The following TNFRSF1B variants were observed in gnomAD, a reference collection of about 807,000 sequenced individuals.
TNFRSF1B encodes the protein tumor necrosis factor receptor superfamily member 1B.
TNFRSF1B carries 19 observed loss-of-function variants against 44.6 expected under a neutral mutation model. The ratio of observed to expected loss-of-function variants is 0.43; its 90% CI spans 0.30 to 0.62. The LOEUF (loss-of-function observed/expected upper bound fraction) is 0.62. TNFRSF1B is among the 20% of genes least tolerant of loss of function. The pLI is 0.16. For synonymous variants in TNFRSF1B, 252 were observed against 261.1 expected (o/e 0.97, Z 0.34); for missense variants, 541 against 619.9 (o/e 0.87, Z 1.35).
rs984355698 is a variant in TNFRSF1B at position 12,186,148 on chromosome 1, C to T, written c.79-2648C>T. 6.6e-6 allele frequency among the ~76,000 whole-genome samples: 1 copy of T among 152,184 alleles called. No individual in the cohort carries two copies. The highest frequency in any genetic ancestry group is 2.4e-5 in the African/African-American group (1 of 41,448). On this transcript the variant is annotated intron_variant, in intron 1 of 9. Coordinates refer to ENST00000376259, the MANE Select transcript of TNFRSF1B (RefSeq NM_001066.3). The surrounding 1 kb of genome is among the most constrained non-coding windows in gnomAD (Gnocchi z 4.8). ...AGCCCCAGCTCCTCTGGGTCGTTCC[C>T]GCTGAGGGATTCCAGCTGTTGGCAC...
In TNFRSF1B at chr1:12,187,683, G is replaced by C. The variant is rs1639017175; in HGVS notation, c.79-1113G>C. Among the ~76,000 whole-genome samples the C allele has an allele frequency of 1.3e-5, 2 of 152,224 alleles. No homozygotes were observed. Among genetic ancestry groups the C allele is most frequent in the South Asian group, 4.1e-4 (2 of 4,834 alleles). ...TCCATCTTCATTGGGTGGTTGGGAAGTCTTGCTGAGACCACACACCTGTCT... is the reference window on the plus strand; with the variant it reads ...TCCATCTTCATTGGGTGGTTGGGAACTCTTGCTGAGACCACACACCTGTCT... On this transcript the variant is annotated intron_variant, in intron 1 of 9. Coordinates refer to ENST00000376259, the MANE Select transcript of TNFRSF1B (RefSeq NM_001066.3). This position sits in a 1 kb window ranked among gnomAD's most constrained non-coding sequence, Gnocchi z 5.5.
intron 1 of TNFRSF1B, among the ~76,000 whole-genome samples, chr1:12,183,705 TATCTATTC>T (rs2101093239): frequency 8.3e-6 from 1 of 120,898 alleles, no homozygotes; most frequent in African/African-American, 2.8e-5. Flanking sequence ...TCTATCTATC[TATCTATTC>T]TATCTACCTA....
chr1:12,172,453 A>G (rs1480728611), intron 1 of TNFRSF1B, among the ~76,000 whole-genome samples: 2 of 152,172 alleles, frequency 1.3e-5, no homozygotes, highest in African/African-American at 2.4e-5. Context: ...TGGCATTGGC[A>G]GCTATTTGAG....
At position 12,171,589 on chromosome 1, in the gene TNFRSF1B, G is replaced by A. The variant is rs1035970870; in HGVS notation, c.78+4420G>A. 1.3e-5 allele frequency among the ~76,000 whole-genome samples: 2 copies of A among 152,214 alleles called. No homozygotes were observed. The highest frequency in any genetic ancestry group is 6.5e-5 in the Admixed American group (1 of 15,288). ...TTTTATTATGTCTTCCCACAAGATTGTAAGTACCGTGAGGACAGGGACTCA... is the reference window on the plus strand; with the variant it reads ...TTTTATTATGTCTTCCCACAAGATTATAAGTACCGTGAGGACAGGGACTCA... On this transcript the variant is annotated intron_variant, in intron 1 of 9. Transcript: ENST00000376259. This position sits in a 1 kb window ranked among gnomAD's most constrained non-coding sequence, Gnocchi z 4.5.
rs549271036 is a variant in TNFRSF1B at position 12,195,467 on chromosome 1, G to A, written c.900+849G>A. 4.6e-5 allele frequency among the ~76,000 whole-genome samples: 7 copies of A among 152,334 alleles called. No homozygotes were observed. In the South Asian group the frequency reaches 1.2e-3, roughly 27 times the overall value. ...TTTGTTCTCTTGTTTGTGGCCTCAT[G>A]TCATAAGATGGTAATCATCACTTCA... On this transcript the variant is annotated intron_variant, in intron 8 of 9. Transcript: ENST00000376259.
intron 8 of TNFRSF1B, among the ~76,000 whole-genome samples, chr1:12,197,746 A>G (rs1639296607): frequency 1.3e-5 from 2 of 152,134 alleles, no homozygotes. Context: ...CTGGGCTTAG[A>G]GTGTGGACTC....
intron 6 of TNFRSF1B, among the ~76,000 whole-genome samples, chr1:12,193,682 GCT>G (rs1639202135): frequency 6.6e-6 from 1 of 152,222 alleles, no homozygotes; most frequent in Non-Finnish European, 1.5e-5. Context: ...AGCCCATTAG[GCT>G]AAGAAGACAG....
chr1:12,196,644 A>G (rs1639272166), intron 8 of TNFRSF1B, among the ~76,000 whole-genome samples: 1 of 152,244 alleles, frequency 6.6e-6, no homozygotes, highest in African/African-American at 2.4e-5. Flanking sequence ...TCAAGGTCGC[A>G]CCGCAGTGTG....
rs546195206 is a variant in TNFRSF1B, at chr1:12,177,751, G to A, written c.78+10582G>A. On this transcript the variant is annotated intron_variant, in intron 1 of 9. Coordinates refer to ENST00000376259, the MANE Select transcript of TNFRSF1B (RefSeq NM_001066.3). This position sits in a 1 kb window ranked among gnomAD's most constrained non-coding sequence, Gnocchi z 4.3. ...GGAGTTTGCAGTGAACCGAGATCGC[G>A]CCATTGCACTCCAGCCTGGGTGACA... 3.6e-4 allele frequency among the ~76,000 whole-genome samples: 54 copies of A among 149,966 alleles called. No individual in the cohort carries two copies. Among genetic ancestry groups the A allele is most frequent in the East Asian group, 7.8e-4 (4 of 5,098 alleles).
intron 4 of TNFRSF1B, 73 bp from the exon 5 acceptor site, chr1:12,192,358 G>C (rs1197637648): frequency 7.0e-7 from 1 of 1,434,812 alleles, no homozygotes; most frequent in African/African-American, 1.4e-5. Context: ...ACCTCTCCTA[G>C]GGCTCTAGTG....
At position 12,207,171 on chromosome 1, in the gene TNFRSF1B, C is replaced by T; in HGVS notation, c.*151C>T. On this transcript the variant is annotated 3_prime_UTR_variant, in exon 10 of 10. Transcript: ENST00000376259. ...CCTCTAGTGCCCTCCACAGCCGCAG[C>T]CTCCCTCTGACCTGCAGGCCAAGAG... 7.7e-6 allele frequency: 6 copies of T among 777,036 alleles called. No individual in the cohort carries two copies. Among genetic ancestry groups the T allele is most frequent in the South Asian group, 2.7e-5 (1 of 37,102 alleles). 48.1% of individuals were successfully genotyped at this position (777,036 alleles called of 1,614,324 possible). A position where few individuals can be genotyped will look rare whatever the true frequency, so the allele number is the denominator to read the frequency against.
In TNFRSF1B at chr1:12,199,167, T is replaced by C. The variant is rs1168960041; in HGVS notation, c.901-2800T>C. 6.6e-6 allele frequency among the ~76,000 whole-genome samples: 1 copy of C among 152,198 alleles called. No homozygotes were observed. The highest frequency in any genetic ancestry group is 1.5e-5 in the Non-Finnish European group (1 of 68,038). On this transcript the variant is annotated intron_variant, in intron 8 of 9. Coordinates refer to ENST00000376259, the MANE Select transcript of TNFRSF1B (RefSeq NM_001066.3). This position sits in a 1 kb window ranked among gnomAD's most constrained non-coding sequence, Gnocchi z 4.0. ...TTTGGGGGTTTTTGTTCTGCCTGGCTGTAGCCACCAGCAGAGGGGGTGGGG... is the reference window on the plus strand; with the variant it reads ...TTTGGGGGTTTTTGTTCTGCCTGGCCGTAGCCACCAGCAGAGGGGGTGGGG...
At chr1:12,182,488 C>T (rs547211928) in intron 1 of TNFRSF1B, among the ~76,000 whole-genome samples, 11 of 152,324 alleles carry the variant, frequency 7.2e-5, no homozygotes, top group Middle Eastern at 3.4e-3. Flanking sequence ...GACAACTTCC[C>T]GGGGGCAGGG....
rs1557629489 is a variant in TNFRSF1B, at chr1:12,183,826, C to CTATCTAT, written c.79-4970_79-4969insTATCTAT. ...TCTAGCTATCTATCTATTCTATCTA[C>CTATCTAT]CTATCTATCTATCTATCTATCTATC... On this transcript the variant is annotated intron_variant, in intron 1 of 9. Transcript: ENST00000376259. 3.7e-3 allele frequency among the ~76,000 whole-genome samples: 458 copies of CTATCTAT among 124,282 alleles called. 6 individuals are homozygous for CTATCTAT. Among genetic ancestry groups the CTATCTAT allele is most frequent in the African/African-American group, 0.01 (346 of 33,652 alleles). 81.5% of individuals were successfully genotyped at this position (124,282 alleles called of 152,430 possible).
At chr1:12,174,229 TCTCCTTCTCCTTCTCCTTCTC>T (rs1557623814) in intron 1 of TNFRSF1B, among the ~76,000 whole-genome samples, 10 of 144,790 alleles carry the variant, frequency 6.9e-5, no homozygotes, top group African/African-American at 2.7e-4. Context: ...TCCTTCTCCT[TCTCCTTCTCCTTCTCCTTCTC>T]CTTCTCCTTC....
At chr1:12,193,127 CTCCTTCTGTCTGCCTG>C in intron 6 of TNFRSF1B, 29 bp downstream of exon 6, 1 of 1,544,704 alleles carries the variant, frequency 6.5e-7, no homozygotes, top group Non-Finnish European at 8.9e-7. Context: ...CATTCATTCA[CTCCTTCTGTCTGCCTG>C]TCTTTCTGTC....
intron 1 of TNFRSF1B, among the ~76,000 whole-genome samples, chr1:12,174,423 T>C (rs961736314): frequency 2.0e-5 from 3 of 152,060 alleles, no homozygotes; most frequent in Admixed American, 2.0e-4. Context: ...AGTTTTTGTA[T>C]TTTTAGTAGA....
intron 4 of TNFRSF1B, among the ~76,000 whole-genome samples, 189 bp downstream of exon 4, chr1:12,192,112 A>G (rs1271268077): frequency 1.3e-5 from 2 of 152,216 alleles, no homozygotes; most frequent in African/African-American, 4.8e-5. Context: ...ACTCCCGATT[A>G]GGCACCTCTT....
intron 1 of TNFRSF1B, among the ~76,000 whole-genome samples, chr1:12,172,631 G>A (rs1355513448): frequency 2.6e-5 from 4 of 152,198 alleles, no homozygotes; most frequent in Non-Finnish European, 5.9e-5. Context: ...TGGCTTTGTT[G>A]CCCATCATCT....
Sources: gnomAD v4.1 joint callset for allele counts (sites outside exome capture counted in the v4.1 genomes callset) on GRCh38, gnomAD v4.1.1 for gene constraint, Gnocchi (gnomAD v3.1) non-coding constraint, MANE v1.5 for transcripts, NCBI Gene and HGNC (gene_info 2026-07-23, HGNC 2026-07-21) for gene names.